DNAH14: variants seen among roughly 807,000 people sequenced by gnomAD.
DNAH14 encodes the protein axonemal beta dynein heavy chain 14.
A neutral mutation model predicts 520.9 loss-of-function variants in DNAH14; 478 were observed. The observed-to-expected ratio is 0.92, with a 90% confidence interval of 0.85 to 0.99. The LOEUF (loss-of-function observed/expected upper bound fraction) is 0.99, where lower values mean the gene tolerates loss of function less well. Ranked by LOEUF, DNAH14 falls within the 50% of genes least tolerant of loss-of-function variation. The pLI is 0.00. For missense variants in DNAH14, 4,831 were observed against 5,234.5 expected, an observed-to-expected ratio of 0.92 and a Z score of 2.38; for synonymous variants, 1,581 against 1,757.2, an observed-to-expected ratio of 0.90 and a Z score of 2.51.
chr1:225,091,962 C>A (rs1293008380), intron 21 of DNAH14, among the ~76,000 whole-genome samples: 1 of 151,872 alleles, frequency 6.6e-6, no homozygotes, highest in East Asian at 1.9e-4. Flanking sequence ...CAACAAAGAT[C>A]AAAAAAGACA....
At position 225,207,048 on chromosome 1, in the gene DNAH14, G is replaced by C. The variant is rs1318256361; in HGVS notation, c.6267G>C (p.Val2089=). The C allele has an allele frequency of 6.5e-7, 1 of 1,550,050 alleles. No homozygotes were observed. Among genetic ancestry groups the C allele is most frequent in the Admixed American group, 2.0e-5 (1 of 50,808 alleles). The change falls in exon 41 of 86, where the codon GTG becomes GTC. Residue 2089 remains valine (V), a synonymous_variant. Transcript: ENST00000682510. ...CTAAAATTATAAGTCAATCAGGAGT[G>C]GATTGTCTTGAATTCATGATTAAAA... ...KTSKIISQSG[V]DCLEFMIKNS...
chr1:225,008,148 C>T (rs536305641), intron 10 of DNAH14, among the ~76,000 whole-genome samples: 7 of 152,030 alleles, frequency 4.6e-5, no homozygotes, highest in African/African-American at 1.7e-4. Context: ...TTGTTCATCT[C>T]CAACTTATGA....
chr1:224,965,498 C>G (rs2061107987), intron 5 of DNAH14, among the ~76,000 whole-genome samples: 2 of 151,886 alleles, frequency 1.3e-5, no homozygotes, highest in African/African-American at 4.8e-5. Context: ...CACTGTAGTA[C>G]CAAAGCATTG....
intron 42 of DNAH14, among the ~76,000 whole-genome samples, chr1:225,240,073 A>T (rs1375043277): frequency 1.3e-5 from 2 of 152,118 alleles, no homozygotes; most frequent in Admixed American, 1.3e-4. Flanking sequence ...AACTAAATCA[A>T]CCTCTACGAC....
At chr1:224,983,104 T>C in intron 8 of DNAH14, among the ~76,000 whole-genome samples, 1 of 152,198 alleles carries the variant, frequency 6.6e-6, no homozygotes, top group East Asian at 1.9e-4. Context: ...CTTAGGTCTA[T>C]TAGTAATTGT....
At chr1:225,264,692 C>T (rs1056986699) in intron 47 of DNAH14, among the ~76,000 whole-genome samples, 2 of 152,024 alleles carry the variant, frequency 1.3e-5, no homozygotes, top group African/African-American at 4.8e-5. Context: ...TTCTGACTCT[C>T]TAGTTTTGGG....
Position 225,335,426 on chromosome 1 carries a change from CGT to C in DNAH14, c.10081-1835_10081-1834del, listed in dbSNP as rs1271354273. On this transcript the variant is annotated intron_variant, in intron 66 of 85. Coordinates refer to ENST00000682510, the MANE Select transcript of DNAH14 (RefSeq NM_001367479.1). ...ACATGTGTGTGTATGCACATATGCA[CGT>C]GTGTACATGTGTGTGTATGCACATA... 1.1e-4 allele frequency among the ~76,000 whole-genome samples: 12 copies of C among 105,388 alleles called. 2 individuals are homozygous for C. Among genetic ancestry groups the C allele is most frequent in the East Asian group, 3.1e-4 (1 of 3,220 alleles). The allele number at this position is 105,388 out of a possible 152,430, so 69.1% of individuals were successfully genotyped here. A position where few individuals can be genotyped will look rare whatever the true frequency, so the allele number is the denominator to read the frequency against.
intron 78 of DNAH14, among the ~76,000 whole-genome samples, chr1:225,376,369 G>C (rs768395716): frequency 7.1e-4 from 108 of 152,266 alleles, no homozygotes; most frequent in Middle Eastern, 3.4e-3. Flanking sequence ...AGAGGTTGAA[G>C]TGAACCGAGA....
At chr1:225,128,844 G>A (rs1281745661) in intron 27 of DNAH14, among the ~76,000 whole-genome samples, 1 of 150,710 alleles carries the variant, frequency 6.6e-6, no homozygotes, top group South Asian at 2.1e-4. Context: ...ATGAAATAAA[G>A]AGTATTCAAT....
In DNAH14 at chr1:225,187,567, A is replaced by G. The variant is rs148029390; in HGVS notation, c.5670+2142A>G. Among the ~76,000 whole-genome samples the G allele has an allele frequency of 9.5e-4, 145 of 152,040 alleles. 1 individual carries two copies. The East Asian group carries it at 0.026, about 27-fold the overall frequency. ...GTGTTTAGCTTTTTGAGGAAACACC[A>G]AAGTGTTTTACAGTAACTACATTAT... On this transcript the variant is annotated intron_variant, in intron 37 of 85. Coordinates refer to ENST00000682510, the MANE Select transcript of DNAH14 (RefSeq NM_001367479.1).
At chr1:225,336,527 T>C (rs1330910850) in intron 66 of DNAH14, among the ~76,000 whole-genome samples, 2 of 152,138 alleles carry the variant, frequency 1.3e-5, no homozygotes. Context: ...TAGTGAAAGA[T>C]TTTAACACCT....
chr1:225,196,505 T>C (rs2086153088), intron 38 of DNAH14, among the ~76,000 whole-genome samples: 1 of 152,182 alleles, frequency 6.6e-6, no homozygotes, highest in Admixed American at 6.5e-5. Context: ...TTTCATGTAA[T>C]GAGTTCTTTT....
chr1:225,111,905 G>T (rs997393871), intron 23 of DNAH14, among the ~76,000 whole-genome samples: 2 of 151,982 alleles, frequency 1.3e-5, no homozygotes, highest in African/African-American at 4.8e-5. Context: ...ACAAACAAAT[G>T]AGCAAAAACA....
intron 36 of DNAH14, among the ~76,000 whole-genome samples, chr1:225,173,822 G>A (rs1458585777): frequency 6.6e-6 from 1 of 152,158 alleles, no homozygotes; most frequent in Non-Finnish European, 1.5e-5. Flanking sequence ...TATGTTAATT[G>A]TGGCACTATT....
At chr1:225,132,796 C>T (rs954990077) in intron 27 of DNAH14, among the ~76,000 whole-genome samples, 1 of 152,160 alleles carries the variant, frequency 6.6e-6, no homozygotes, top group East Asian at 1.9e-4. Flanking sequence ...AATCGCCACA[C>T]TATCTTCCAT....
At position 225,331,597 on chromosome 1, in the gene DNAH14, T is replaced by C; in HGVS notation, c.9864+20T>C. On this transcript the variant is annotated intron_variant, in intron 65 of 85. Transcript: ENST00000682510. ...GAGAAGGCATGACTTACTTTGGTCT[T>C]ATATCTCGTCCATAATTCCTACTGG... is the stretch of plus-strand genomic sequence containing the variant. The C allele has an allele frequency of 6.4e-7, 1 of 1,551,142 alleles. No homozygotes were observed. Among genetic ancestry groups the C allele is most frequent in the Non-Finnish European group, 8.7e-7 (1 of 1,146,712 alleles).
intron 8 of DNAH14, among the ~76,000 whole-genome samples, chr1:224,974,740 T>C (rs1572169154): frequency 6.6e-6 from 1 of 152,174 alleles, no homozygotes; most frequent in African/African-American, 2.4e-5. Context: ...TCCTACTCTC[T>C]CCTTGACCTT....
rs1004457645 is a variant in DNAH14 at position 225,389,722 on chromosome 1, GCCTTCCA to G, written c.13191-10_13191-4del. 1 of 1,551,780 alleles carries G rather than the reference GCCTTCCA, an allele frequency of 6.4e-7. No homozygotes were observed. Among genetic ancestry groups the G allele is most frequent in the African/African-American group, 1.4e-5 (1 of 73,048 alleles). On this transcript the variant is annotated splice_region_variant and splice_polypyrimidine_tract_variant and intron_variant, in intron 82 of 85. Coordinates refer to ENST00000682510, the MANE Select transcript of DNAH14 (RefSeq NM_001367479.1). ...GCCCTTAACCCCCAACCTGTGGTCT[GCCTTCCA>G]CTAGGTATATGAGATTTGTCACAGT... is the stretch of plus-strand genomic sequence containing the variant.
At chr1:225,169,243 C>T (rs1360276368) in intron 36 of DNAH14, among the ~76,000 whole-genome samples, 1 of 152,176 alleles carries the variant, frequency 6.6e-6, no homozygotes, top group African/African-American at 2.4e-5. Context: ...GAGAGCCTCT[C>T]CTCCTCCAAA....
Sources: allele counts gnomAD v4.1 joint callset (sites outside exome capture counted in the v4.1 genomes callset), GRCh38; gene constraint gnomAD v4.1.1; transcripts MANE v1.5; gene names NCBI Gene and HGNC (gene_info 2026-07-23, HGNC 2026-07-21).